FHOD3: variants seen among roughly 807,000 people sequenced by gnomAD.
FHOD3 encodes formin homology 2 domain containing 3, also known as FH1/FH2 domain-containing protein 3.
Under a neutral mutation model 173.0 loss-of-function variants are expected in FHOD3, and 90 were observed. That is an observed-to-expected ratio of 0.52 (90% CI 0.44 to 0.62). The LOEUF is 0.62. Among genes scored for constraint, FHOD3 ranks in the 20% least tolerant of loss-of-function variants. FHOD3 has a pLI of 0.00. For synonymous variants in FHOD3, 828 were observed against 823.0 expected, an observed-to-expected ratio of 1.01 and a Z score of -0.10; for missense variants, 1,945 against 2,034.7, an observed-to-expected ratio of 0.96 and a Z score of 0.85.
intron 2 of FHOD3, among the ~76,000 whole-genome samples, chr18:36,369,504 T>TAG (rs2047069188): frequency 2.3e-5 from 3 of 129,322 alleles, no homozygotes; most frequent in Non-Finnish European, 5.0e-5. Flanking sequence ...CACACATATA[T>TAG]ATAGAGAGAG....
intron 7 of FHOD3, among the ~76,000 whole-genome samples, chr18:36,600,613 G>A (rs762007189): frequency 1.3e-5 from 2 of 152,084 alleles, no homozygotes; most frequent in Admixed American, 6.5e-5. Context: ...CTAAAAACAC[G>A]TTTTTCAGTT....
intron 2 of FHOD3, among the ~76,000 whole-genome samples, chr18:36,368,983 G>A (rs1217018803): frequency 6.6e-6 from 1 of 152,080 alleles, no homozygotes; most frequent in Non-Finnish European, 1.5e-5. Context: ...CTATCACTAC[G>A]TCATAGAAAT....
chr18:36,653,421 G>A lies in FHOD3; in HGVS notation c.1721+5G>A. ...CCGATCTTTCTCTTCTAATAGGTGG[G>A]TGTCTTTATTTTCTTTCCCTTTTCT... On this transcript the variant is annotated splice_donor_5th_base_variant and intron_variant, in intron 13 of 28. Transcript: ENST00000590592. 1 of 1,522,858 alleles carries A rather than the reference G, an allele frequency of 6.6e-7. No individual in the cohort carries two copies. The highest frequency in any genetic ancestry group is 2.0e-5 in the Admixed American group (1 of 50,464). The allele number at this position is 1,522,858 out of a possible 1,614,324, so 94.3% of individuals were successfully genotyped here.
intron 17 of FHOD3, among the ~76,000 whole-genome samples, chr18:36,708,406 A>C (rs754040): frequency 0.35 from 52,660 of 152,106 alleles, 9,175 homozygotes; most frequent in South Asian, 0.48. Flanking sequence ...CTAAACAGGC[A>C]AAAAGGTTAT....
rs1291815075 is a variant in FHOD3, at chr18:36,372,695, C to T, written c.288C>T (p.His96=). The change falls in exon 3 of 29, where the codon CAC becomes CAT. Residue 96 remains histidine (H), a synonymous_variant. Transcript: ENST00000590592. ...GTCTCGTTAGGCGGGGCAAGAAGCA[C>T]AGCATCATCCTAAGGACGCAGCTGT... ...FQDDAGRGKK[H]SIILRTQLSV... 1.9e-6 allele frequency: 3 copies of T among 1,613,972 alleles called. No homozygotes were observed. The highest frequency in any genetic ancestry group is 4.5e-5 in the East Asian group (2 of 44,870).
chr18:36,402,367 T>C (rs947343508), intron 3 of FHOD3, among the ~76,000 whole-genome samples: 1 of 152,138 alleles, frequency 6.6e-6, no homozygotes, highest in Non-Finnish European at 1.5e-5. Flanking sequence ...TATACACACA[T>C]AACCCATGCC....
chr18:36,480,198 C>G (rs920572143), intron 3 of FHOD3, among the ~76,000 whole-genome samples: 2 of 152,230 alleles, frequency 1.3e-5, no homozygotes, highest in Non-Finnish European at 2.9e-5. Context: ...CATACCTTTT[C>G]CTCCTCAGTG....
intron 4 of FHOD3, among the ~76,000 whole-genome samples, chr18:36,506,407 C>A (rs986891679): frequency 4.6e-5 from 7 of 152,172 alleles, no homozygotes; most frequent in Admixed American, 4.6e-4. Flanking sequence ...TGGCACAACC[C>A]CTAACCTCTG....
intron 18 of FHOD3, among the ~76,000 whole-genome samples, chr18:36,714,183 A>G (rs1393805370): frequency 6.6e-6 from 1 of 152,230 alleles, no homozygotes; most frequent in Non-Finnish European, 1.5e-5. Context: ...TCACTACAGA[A>G]TGATAAAAGG....
chr18:36,762,498 T>C (rs2042923726), intron 27 of FHOD3, among the ~76,000 whole-genome samples: 2 of 152,228 alleles, frequency 1.3e-5, no homozygotes, highest in South Asian at 4.1e-4. Flanking sequence ...GGTGTTTACC[T>C]TTTAATATAG....
intron 25 of FHOD3, among the ~76,000 whole-genome samples, chr18:36,758,883 G>A (rs1156968778): frequency 7.2e-5 from 11 of 152,190 alleles, no homozygotes; most frequent in East Asian, 1.9e-4. Context: ...GCCCGGAGCC[G>A]TGTGAGTCCC....
intron 3 of FHOD3, among the ~76,000 whole-genome samples, chr18:36,427,903 T>C (rs2050336073): frequency 6.6e-6 from 1 of 152,258 alleles, no homozygotes; most frequent in Admixed American, 6.5e-5. Flanking sequence ...ATTGCTAGTT[T>C]TAAAAAATCA....
At chr18:36,656,718 G>A (rs1192268567) in intron 13 of FHOD3, among the ~76,000 whole-genome samples, 5 of 152,002 alleles carry the variant, frequency 3.3e-5, no homozygotes, top group African/African-American at 4.8e-5. Flanking sequence ...ATATCCTGAT[G>A]TTTTCATTTA....
At position 36,412,430 on chromosome 18, in the gene FHOD3, A is replaced by C. The variant is rs143841303; in HGVS notation, c.337+39686A>C. ...TACCAATTTTAAAACACAAATAAAA[A>C]TGTTGCTGCAATGCATATAATTTAA... On this transcript the variant is annotated intron_variant, in intron 3 of 28. Coordinates refer to ENST00000590592, the MANE Select transcript of FHOD3 (RefSeq NM_001281740.3). 7.9e-5 allele frequency among the ~76,000 whole-genome samples: 12 copies of C among 152,362 alleles called. No individual in the cohort carries two copies. In the East Asian group the frequency reaches 2.1e-3, roughly 27 times the overall value.
chr18:36,376,792 G>A (rs957001879), intron 3 of FHOD3, among the ~76,000 whole-genome samples: 3 of 152,190 alleles, frequency 2.0e-5, no homozygotes, highest in East Asian at 1.9e-4. Context: ...TCATGCAGCC[G>A]TGTGCTTTGC....
chr18:36,309,732 C>CA (rs1424352580), intron 1 of FHOD3, among the ~76,000 whole-genome samples: 3 of 152,226 alleles, frequency 2.0e-5, no homozygotes, highest in African/African-American at 7.2e-5. Context: ...AGCTGTTGGG[C>CA]AGTCCTGTCC....
chr18:36,539,181 A>G (rs781142949), intron 5 of FHOD3, among the ~76,000 whole-genome samples: 1 of 152,216 alleles, frequency 6.6e-6, no homozygotes, highest in Non-Finnish European at 1.5e-5. Flanking sequence ...ACGAAGTGAT[A>G]TCATAGTCTT....
intron 17 of FHOD3, among the ~76,000 whole-genome samples, chr18:36,706,232 G>T (rs1247075437): frequency 1.3e-5 from 2 of 152,136 alleles, no homozygotes; most frequent in Non-Finnish European, 2.9e-5. Flanking sequence ...CTAGAGAAGG[G>T]CTCTGCCGTG....
At position 36,649,348 on chromosome 18, in the gene FHOD3, C is replaced by G. The variant is rs950341929; in HGVS notation, c.1229C>G (p.Thr410Arg). 1 of 1,535,862 alleles carries G rather than the reference C, an allele frequency of 6.5e-7. No homozygotes were observed. The highest frequency in any genetic ancestry group is 8.7e-7 in the Non-Finnish European group (1 of 1,146,750). Residue 410 changes from threonine (T) to arginine (R), a missense_variant, in exon 11 of 29, where the codon ACG becomes AGG. This residue lies in a region of FHOD3 where 1,099 missense variants were observed against 1,051.2 expected (regional missense o/e 1.05). Transcript: ENST00000590592. ...GAGGAGGAAGAGGAGCAGCCAATCA[C>G]GGAGCCCAGTTCCGAAGAAGAGAGA... ...EEEEEEEQPITEPSSEEERED... is the reference protein window; with the variant it reads ...EEEEEEEQPIREPSSEEERED...
Sources: allele counts gnomAD v4.1 joint callset (sites outside exome capture counted in the v4.1 genomes callset), GRCh38; gene constraint gnomAD v4.1.1; regional missense constraint gnomAD v4.1.1; transcripts MANE v1.5; gene names NCBI Gene and HGNC (gene_info 2026-07-23, HGNC 2026-07-21).